Variants in ANO1 observed in about 807,000 individuals in gnomAD.
The protein encoded by ANO1 is anoctamin-1.
ANO1 carries 59 observed loss-of-function variants against 124.0 expected under a neutral mutation model. The observed-to-expected ratio is 0.48, with a 90% CI of 0.39 to 0.59. The LOEUF (loss-of-function observed/expected upper bound fraction) is 0.59, where lower values mean the gene tolerates loss of function less well. Among genes scored for constraint, ANO1 ranks in the 20% least tolerant of loss-of-function variants. The pLI is 0.00. For missense variants in ANO1, 1,059 were observed against 1,328.0 expected (o/e 0.80, Z 3.15); for synonymous variants, 529 against 532.0 (o/e 0.99, Z 0.08).
chr11:70,024,210 G>A (rs1434367730), intron 1 of ANO1, among the ~76,000 whole-genome samples: 4 of 152,178 alleles, frequency 2.6e-5, no homozygotes, highest in Non-Finnish European at 5.9e-5. Flanking sequence ...GGCTATCTCT[G>A]ACGGTCCTGC....
At chr11:69,982,964 A>G (rs114900647), upstream of ANO1, among the ~76,000 whole-genome samples, 4,104 of 152,218 alleles carry the variant, frequency 0.027, 114 homozygotes, top group African/African-American at 0.066. Flanking sequence ...GTGACAATCT[A>G]TCCTGTCCTG....
chr11:69,997,300 T>G (rs1184448286), intron 1 of ANO1, among the ~76,000 whole-genome samples: 2 of 144,208 alleles, frequency 1.4e-5, no homozygotes, highest in Non-Finnish European at 1.5e-5. Context: ...CTCCACTGCA[T>G]AAAATATTAC....
Position 70,155,979 on chromosome 11 carries a change from G to A in ANO1, c.1494G>A (p.Gly498=), listed in dbSNP as rs1194259119. The change falls in exon 15 of 26, where the codon GGG becomes GGA. Residue 498 remains glycine, a synonymous_variant. Coordinates refer to ENST00000355303, the MANE Select transcript of ANO1 (RefSeq NM_018043.7). ...AGAGGGTTAAGACAGCCATGGCGGG[G>A]GTGAAATTGGTACTTTTCTATTTTG... ...WKQRVKTAMA[G]VKLTDKVKLT... The A allele has an allele frequency of 1.3e-6, 2 of 1,524,296 alleles. No homozygotes were observed. The highest frequency in any genetic ancestry group is 1.2e-5 in the South Asian group (1 of 80,558). 94.4% of individuals were successfully genotyped at this position (1,524,296 alleles called of 1,614,324 possible). A position where few individuals can be genotyped will look rare whatever the true frequency, so the allele number is the denominator to read the frequency against.
intron 10 of ANO1, among the ~76,000 whole-genome samples, chr11:70,131,303 ATG>A (rs58686061): frequency 0.092 from 13,752 of 148,900 alleles, 677 homozygotes; most frequent in African/African-American, 0.11. Flanking sequence ...TCAAAAATCA[ATG>A]TGTGTGTGTG....
At chr11:70,016,509 G>A (rs1316418748) in intron 1 of ANO1, 3 of 152,312 alleles carry the variant, frequency 2.0e-5, no homozygotes, top group Admixed American at 1.3e-4. Flanking sequence ...GGGGTCATGT[G>A]ATTGTGGTCA....
chr11:70,119,840 A>G (rs1164644239), intron 8 of ANO1, among the ~76,000 whole-genome samples: 1 of 149,978 alleles, frequency 6.7e-6, no homozygotes, highest in African/African-American at 2.5e-5. Flanking sequence ...TTAATGATGG[A>G]TGATGGATAG....
intron 1 of ANO1, among the ~76,000 whole-genome samples, chr11:70,038,032 A>T (rs942333952): frequency 7.9e-5 from 12 of 152,318 alleles, no homozygotes; most frequent in African/African-American, 2.9e-4. Flanking sequence ...CATGCCTGTA[A>T]TTCCAGCACT....
At chr11:70,058,902 C>A (rs746740231) in intron 1 of ANO1, among the ~76,000 whole-genome samples, 4 of 151,906 alleles carry the variant, frequency 2.6e-5, no homozygotes, top group African/African-American at 7.3e-5. Flanking sequence ...GACTATTGTC[C>A]GCCGAGTGCG....
At chr11:69,995,017 A>C (rs967426755) in intron 1 of ANO1, among the ~76,000 whole-genome samples, 5 of 152,036 alleles carry the variant, frequency 3.3e-5, no homozygotes, top group South Asian at 4.1e-4. Flanking sequence ...CACATACTGC[A>C]CACCGTTTCC....
chr11:70,048,360 A>AT (rs573918600), intron 1 of ANO1, among the ~76,000 whole-genome samples: 22 of 150,304 alleles, frequency 1.5e-4, no homozygotes, highest in East Asian at 3.9e-4. Context: ...GTTCACATAG[A>AT]TTTTTTTTTT....
chr11:70,088,056 CG>C lies in ANO1; in HGVS notation c.416del (p.Gly139AlafsTer18). 7.1e-7 allele frequency: 1 copy of C among 1,409,516 alleles called. No homozygotes were observed. Among genetic ancestry groups the C allele is most frequent in the Non-Finnish European group, 9.2e-7 (1 of 1,083,984 alleles). 87.3% of individuals were successfully genotyped at this position (1,409,516 alleles called of 1,614,324 possible). ...REEYEGNLLE[A>X]GLELERDEDT... ...GAGTACGAGGGCAACCTCCTGGAGG[CG>C]GGCCTGGAGCTGGAGCGGGACGAGG... On this transcript the variant is annotated frameshift_variant, in exon 2 of 26. Transcript: ENST00000355303. LOFTEE classifies it high-confidence loss of function.
At chr11:70,163,600 T>G (rs1215335226) in intron 19 of ANO1, 25 of 602,204 alleles carry the variant, frequency 4.2e-5, no homozygotes, top group Non-Finnish European at 6.7e-5. Flanking sequence ...TCTGGTTTTC[T>G]TTTCTTTTTT....
At chr11:70,175,429 G>C (rs1484866089) in intron 22 of ANO1, among the ~76,000 whole-genome samples, 1 of 152,262 alleles carries the variant, frequency 6.6e-6, no homozygotes, top group Non-Finnish European at 1.5e-5. Context: ...TGAGAGGACA[G>C]AGAGGGCCCC....
intron 20 of ANO1, 96 bp downstream of exon 20, chr11:70,165,666 C>T: frequency 2.1e-6 from 2 of 957,250 alleles, no homozygotes; most frequent in Non-Finnish European, 1.6e-6. Flanking sequence ...CGCGGGGCCT[C>T]AACCAAGATG....
the ANO1 span, among the ~76,000 whole-genome samples, chr11:69,978,241 G>A: frequency 1.3e-5 from 2 of 152,222 alleles, no homozygotes; most frequent in African/African-American, 2.4e-5. Flanking sequence ...CCTCGGGTCC[G>A]ACGAAAACAG....
At chr11:70,110,246 G>A (rs2045719565) in intron 6 of ANO1, among the ~76,000 whole-genome samples, 1 of 145,522 alleles carries the variant, frequency 6.9e-6, no homozygotes, top group Non-Finnish European at 1.5e-5. Context: ...TAGTGCAATG[G>A]CACAATCTCA....
intron 1 of ANO1, among the ~76,000 whole-genome samples, chr11:70,047,092 A>AAAAG (rs1857273070): frequency 2.1e-5 from 3 of 146,182 alleles, no homozygotes; most frequent in Admixed American, 6.9e-5. Flanking sequence ...AAAAAAAAAA[A>AAAAG]AAAAAGAAAA....
At chr11:70,124,615 C>T (rs572867569) in intron 9 of ANO1, among the ~76,000 whole-genome samples, 1 of 152,310 alleles carries the variant, frequency 6.6e-6, no homozygotes, top group Admixed American at 6.5e-5. Context: ...TATTCAAATT[C>T]CCTGGAGGTC....
rs545670749 is a variant in ANO1 at position 70,040,315 on chromosome 11, C to A, written c.59-38227C>A. ...GTTTTGATGTGCAGCAAGAGAAAGA[C>A]AAAGGGCCCATGCACTTTTTAGACA... On this transcript the variant is annotated intron_variant, in intron 1 of 27. Coordinates refer to the ANO1 transcript ENST00000531349. Among the ~76,000 whole-genome samples, 29 of 152,208 alleles carry A rather than the reference C, an allele frequency of 1.9e-4. No homozygotes were observed. In the East Asian group the frequency reaches 4.8e-3, roughly 25 times the overall value.
Sources: allele counts gnomAD v4.1 joint callset (sites outside exome capture counted in the v4.1 genomes callset), GRCh38; gene constraint gnomAD v4.1.1; transcripts MANE v1.5; gene names NCBI Gene and HGNC (gene_info 2026-07-23, HGNC 2026-07-21).